The following AFF3 variants were observed in gnomAD, a reference collection of about 807,000 sequenced individuals.
The protein encoded by AFF3 is ALF transcription elongation factor 3.
In AFF3, 32 loss-of-function variants were observed where a neutral mutation model predicts 129.7. The ratio of observed to expected loss-of-function variants is 0.25; its 90% CI spans 0.19 to 0.33. The LOEUF is 0.33. Ranked by LOEUF, AFF3 falls within the 10% of genes least tolerant of loss-of-function variation. AFF3 has a pLI of 1.00. For synonymous variants in AFF3, 644 were observed against 635.4 expected, an observed-to-expected ratio of 1.01 and a Z score of -0.20; for missense variants, 1,373 against 1,592.0, an observed-to-expected ratio of 0.86 and a Z score of 2.34.
At chr2:99,864,982 G>GTCC (rs1691271058) in intron 7 of AFF3, among the ~76,000 whole-genome samples, 1 of 152,216 alleles carries the variant, frequency 6.6e-6, no homozygotes, top group Non-Finnish European at 1.5e-5. Context: ...TTTAATCAGT[G>GTCC]TCCCCTATGA....
At chr2:99,993,628 G>A (rs1680558934) in intron 7 of AFF3, among the ~76,000 whole-genome samples, 1 of 151,622 alleles carries the variant, frequency 6.6e-6, no homozygotes, top group East Asian at 1.9e-4. Context: ...ATACAAGAAA[G>A]GCTTAGGAAA....
chr2:99,943,138 C>A (rs1675217856), intron 7 of AFF3, among the ~76,000 whole-genome samples: 1 of 152,172 alleles, frequency 6.6e-6, no homozygotes, highest in South Asian at 2.1e-4. Flanking sequence ...AAAGGATCAA[C>A]CCCATTGTCA....
intron 7 of AFF3, among the ~76,000 whole-genome samples, chr2:99,899,973 T>C (rs559814291): frequency 3.9e-5 from 6 of 152,150 alleles, no homozygotes; most frequent in Non-Finnish European, 5.9e-5. Context: ...GCTTTATTGT[T>C]AAACCATGCT....
chr2:99,992,540 A>G (rs1185660220), intron 7 of AFF3, among the ~76,000 whole-genome samples: 5 of 152,256 alleles, frequency 3.3e-5, no homozygotes, highest in Non-Finnish European at 5.9e-5. Context: ...ATCGAACCAG[A>G]ATAAGATAAT....
At chr2:99,895,459 G>A (rs1693868357) in intron 7 of AFF3, among the ~76,000 whole-genome samples, 1 of 152,186 alleles carries the variant, frequency 6.6e-6, no homozygotes, top group Non-Finnish European at 1.5e-5. Flanking sequence ...ACATTCTTGT[G>A]GAATAGGGAT....
chr2:99,934,797 G>A (rs1171621489), intron 7 of AFF3, among the ~76,000 whole-genome samples: 1 of 152,174 alleles, frequency 6.6e-6, no homozygotes, highest in Non-Finnish European at 1.5e-5. Context: ...GGCTCAGCTA[G>A]GTCCTTCTGG....
chr2:99,678,421 A>G (rs1674206786), intron 11 of AFF3, among the ~76,000 whole-genome samples: 1 of 152,172 alleles, frequency 6.6e-6, no homozygotes. Context: ...TATATCTTCC[A>G]CAGGTATTGC....
chr2:99,750,070 T>C (rs968807759), intron 9 of AFF3, among the ~76,000 whole-genome samples: 3 of 152,160 alleles, frequency 2.0e-5, no homozygotes, highest in African/African-American at 4.8e-5. Context: ...ACTTAGAATA[T>C]TGGAGCAGGA....
chr2:100,090,179 C>G (rs1689732558), intron 4 of AFF3, among the ~76,000 whole-genome samples: 1 of 123,128 alleles, frequency 8.1e-6, no homozygotes, highest in South Asian at 3.2e-4. Flanking sequence ...TGTGTAGTTC[C>G]ATTTCTAAGA....
At chr2:99,789,082 T>C (rs1379144457) in intron 8 of AFF3, among the ~76,000 whole-genome samples, 1 of 152,160 alleles carries the variant, frequency 6.6e-6, no homozygotes, top group Admixed American at 6.5e-5. Flanking sequence ...CATATCCATA[T>C]TGTTATACCA....
chr2:99,747,611 T>C (rs943687558), intron 9 of AFF3, among the ~76,000 whole-genome samples: 2 of 152,224 alleles, frequency 1.3e-5, no homozygotes, highest in African/African-American at 4.8e-5. Flanking sequence ...ATGTATCCCA[T>C]AGATAGTAAA....
In AFF3 at chr2:99,547,570, T is replaced by C. The variant is rs1458246814; in HGVS notation, c.*3904A>G. 1 of 203,334 alleles carries C rather than the reference T, an allele frequency of 4.9e-6. No homozygotes were observed. Among genetic ancestry groups the C allele is most frequent in the Non-Finnish European group, 1.0e-5 (1 of 99,200 alleles). The allele number at this position is 203,334 out of a possible 1,614,324, so 12.6% of individuals were successfully genotyped here. A position where few individuals can be genotyped will look rare whatever the true frequency, so the allele number is the denominator to read the frequency against. Reference sequence around the variant, plus strand: ...GTGAAAAATGTTATTTAAAAATATATATGTATATGCTACTGCACAGTTTCA... The same window carrying C: ...GTGAAAAATGTTATTTAAAAATATACATGTATATGCTACTGCACAGTTTCA... On this transcript the variant is annotated 3_prime_UTR_variant, in exon 25 of 25. Transcript: ENST00000672756.
intron 7 of AFF3, among the ~76,000 whole-genome samples, chr2:99,996,645 G>T (rs1237135919): frequency 6.6e-6 from 1 of 150,916 alleles, no homozygotes; most frequent in Non-Finnish European, 1.5e-5. Flanking sequence ...CTCCCAAAGT[G>T]CTGGGATTAC....
chr2:99,997,797 T>A (rs550691793), intron 7 of AFF3, among the ~76,000 whole-genome samples: 1 of 152,266 alleles, frequency 6.6e-6, no homozygotes, highest in African/African-American at 2.4e-5. Flanking sequence ...CAGCTTTCCA[T>A]CCTACTCCAC....
chr2:99,963,406 T>C (rs906386043), intron 7 of AFF3, among the ~76,000 whole-genome samples: 1 of 152,082 alleles, frequency 6.6e-6, no homozygotes, highest in Non-Finnish European at 1.5e-5. Context: ...GCATCTGATG[T>C]GGTACACAAT....
intron 11 of AFF3, 119 bp from the exon 12 acceptor site, chr2:99,672,708 T>C: frequency 1.1e-6 from 1 of 947,340 alleles, no homozygotes; most frequent in Non-Finnish European, 1.6e-6. Flanking sequence ...AATAAGTCTA[T>C]TTGATTTCCT....
At chr2:99,632,008 CTTTTTTTTTTT>C (rs745651225) in intron 13 of AFF3, among the ~76,000 whole-genome samples, 4 of 76,908 alleles carry the variant, frequency 5.2e-5, no homozygotes, top group East Asian at 4.1e-4. Context: ...CTTGCCAACA[CTTTTTTTTTTT>C]TTTTTTTTTT....
intron 1 of AFF3, among the ~76,000 whole-genome samples, chr2:100,138,756 C>T (rs1358469767): frequency 6.6e-6 from 1 of 151,916 alleles, no homozygotes; most frequent in Non-Finnish European, 1.5e-5. Flanking sequence ...ACAAGCCTGG[C>T]CAATATGGTG....
chr2:99,582,605 G>C (rs1315764316), intron 17 of AFF3, among the ~76,000 whole-genome samples, 193 bp downstream of exon 17: 1 of 152,182 alleles, frequency 6.6e-6, no homozygotes, highest in African/African-American at 2.4e-5. Flanking sequence ...CTCCCTCAGG[G>C]TTCTTCTTCC....
Sources: gnomAD v4.1 joint callset for allele counts (sites outside exome capture counted in the v4.1 genomes callset) on GRCh38, gnomAD v4.1.1 for gene constraint, MANE v1.5 for transcripts, NCBI Gene and HGNC (gene_info 2026-07-23, HGNC 2026-07-21) for gene names.